Variants in PRKCQ observed in about 807,000 individuals in gnomAD.
The protein encoded by PRKCQ is protein kinase C theta, also known as protein kinase C theta type.
PRKCQ carries 41 observed loss-of-function variants against 91.2 expected under a neutral mutation model. The observed-to-expected ratio is 0.45, with a 90% CI of 0.35 to 0.58. The LOEUF (loss-of-function observed/expected upper bound fraction) is 0.58, where lower values mean the gene tolerates loss of function less well. PRKCQ is among the 20% of genes least tolerant of loss of function. PRKCQ has a pLI of 0.00. For synonymous variants in PRKCQ, 307 were observed against 316.9 expected (o/e 0.97, Z 0.33); for missense variants, 673 against 896.5 (o/e 0.75, Z 3.18).
rs565472218 is a variant in PRKCQ, at chr10:6,461,860, A to G, written c.1508+443T>C. On this transcript the variant is annotated intron_variant, in intron 14 of 17. Coordinates refer to ENST00000263125, the MANE Select transcript of PRKCQ (RefSeq NM_006257.5). ...AGGAGATTGAGATACAATAGTGTCA[A>G]TCTAAGAGCTTGGACAGAAGAACGT... is the stretch of plus-strand genomic sequence containing the variant. Among the ~76,000 whole-genome samples the G allele has an allele frequency of 2.6e-5, 4 of 152,358 alleles. No homozygotes were observed. The South Asian group carries it at 8.3e-4, about 32-fold the overall frequency.
intron 3 of PRKCQ, 69 bp from the exon 4 acceptor site, chr10:6,507,565 G>A: frequency 7.6e-7 from 1 of 1,323,568 alleles, no homozygotes; most frequent in Non-Finnish European, 1.1e-6. Flanking sequence ...GACATCACTG[G>A]CTACTGACGA....
At chr10:6,559,329 A>G (rs369060088) in intron 1 of PRKCQ, among the ~76,000 whole-genome samples, 2 of 152,102 alleles carry the variant, frequency 1.3e-5, no homozygotes, top group South Asian at 2.1e-4. Context: ...GGAAGGAGGG[A>G]CATGCCTTTT....
intron 8 of PRKCQ, 105 bp downstream of exon 8, chr10:6,491,578 T>A: frequency 1.4e-6 from 2 of 1,448,410 alleles, no homozygotes; most frequent in Non-Finnish European, 1.9e-6. Context: ...CTGGGCTGGG[T>A]GTGGAAGTGG....
chr10:6,523,878 G>GC (rs1588381494), intron 1 of PRKCQ, among the ~76,000 whole-genome samples: 1 of 152,004 alleles, frequency 6.6e-6, no homozygotes, highest in East Asian at 1.9e-4. Flanking sequence ...AGTTCAAGTT[G>GC]CCCCCTTCAC....
chr10:6,515,382 CT>C, intron 1 of PRKCQ: 42 of 1,448,884 alleles, frequency 2.9e-5, no homozygotes, highest in Non-Finnish European at 3.6e-5. Flanking sequence ...CTCAACCTTG[CT>C]TTTGAGAAGT....
intron 16 of PRKCQ, among the ~76,000 whole-genome samples, chr10:6,435,210 C>T (rs548987395): frequency 8.5e-5 from 13 of 152,342 alleles, no homozygotes; most frequent in African/African-American, 2.6e-4. Flanking sequence ...GTTCAGTGCA[C>T]GACATGCATC....
At position 6,442,093 on chromosome 10, in the gene PRKCQ, A is replaced by G. The variant is rs1374619863; in HGVS notation, c.1648-12T>C. The G allele has an allele frequency of 1.9e-6, 3 of 1,604,588 alleles. No individual in the cohort carries two copies. The highest frequency in any genetic ancestry group is 1.3e-5 in the African/African-American group (1 of 74,904). On this transcript the variant is annotated splice_polypyrimidine_tract_variant and intron_variant, in intron 15 of 17. Coordinates refer to ENST00000263125, the MANE Select transcript of PRKCQ (RefSeq NM_006257.5). The stretch of plus-strand genomic sequence containing the variant: ...TGACCCAGCAAGATCTGCACAACCA[A>G]AAGGCAGACAGGAAATTAACAGGAA...
chr10:6,450,628 AT>A (rs1564307173), intron 15 of PRKCQ, among the ~76,000 whole-genome samples: 1 of 152,108 alleles, frequency 6.6e-6, no homozygotes, highest in Non-Finnish European at 1.5e-5. Flanking sequence ...CAGAATATAC[AT>A]TTTTTTCAGC....
At chr10:6,440,273 TCTG>T (rs1833903151) in intron 16 of PRKCQ, among the ~76,000 whole-genome samples, 1 of 152,166 alleles carries the variant, frequency 6.6e-6, no homozygotes, top group African/African-American at 2.4e-5. Context: ...CCCAAGACAA[TCTG>T]CTGGGCAGGA....
At chr10:6,441,791 A>G (rs1833985816) in intron 16 of PRKCQ, 102 bp downstream of exon 16, 4 of 1,219,968 alleles carry the variant, frequency 3.3e-6, no homozygotes, top group Non-Finnish European at 3.4e-6. Flanking sequence ...TTCAATAATA[A>G]TCATTGTTTG....
intron 1 of PRKCQ, among the ~76,000 whole-genome samples, chr10:6,532,951 T>TC (rs1839443013): frequency 6.6e-6 from 1 of 152,184 alleles, no homozygotes; most frequent in African/African-American, 2.4e-5. Context: ...TTTTTCATAT[T>TC]CCCCCCTGAA....
At chr10:6,503,172 T>C (rs1179862160) in intron 4 of PRKCQ, among the ~76,000 whole-genome samples, 4 of 152,044 alleles carry the variant, frequency 2.6e-5, no homozygotes, top group Non-Finnish European at 4.4e-5. Flanking sequence ...TGCCAGAAAG[T>C]GGGCTAATAA....
At chr10:6,522,068 G>C (rs370309752) in intron 1 of PRKCQ, among the ~76,000 whole-genome samples, 1 of 151,988 alleles carries the variant, frequency 6.6e-6, no homozygotes, top group African/African-American at 2.4e-5. Context: ...TCAACCTCCC[G>C]AGTAGCGGGA....
chr10:6,428,098 G>T lies in PRKCQ; in HGVS notation c.*109C>A. 2 of 1,414,274 alleles carry T rather than the reference G, an allele frequency of 1.4e-6. No homozygotes were observed. Among genetic ancestry groups the T allele is most frequent in the Non-Finnish European group, 2.0e-6 (2 of 1,016,454 alleles). 87.6% of individuals were successfully genotyped at this position (1,414,274 alleles called of 1,614,324 possible). A position where few individuals can be genotyped will look rare whatever the true frequency, so the allele number is the denominator to read the frequency against. On this transcript the variant is annotated 3_prime_UTR_variant, in exon 18 of 18. Coordinates refer to ENST00000263125, the MANE Select transcript of PRKCQ (RefSeq NM_006257.5). The stretch of plus-strand genomic sequence containing the variant: ...GGGCGAACGGGTCTCAGTCTTTATT[G>T]TTGAGTGTTTCTTTCTTTTTCCAAG...
At chr10:6,415,756 T>C in the PRKCQ span, among the ~76,000 whole-genome samples, 1 of 84,618 alleles carries the variant, frequency 1.2e-5, no homozygotes, top group Non-Finnish European at 2.8e-5. Context: ...CTTTTTTTTT[T>C]TTTTTGAGAC....
Position 6,504,279 on chromosome 10 carries a change from T to A in PRKCQ, c.379+3157A>T, listed in dbSNP as rs567953247. Reference sequence around the variant, plus strand: ...TAAGTGAAATTTTGTAGACCAATACTGTGTAATTCCTTGAGTAAGAGAAAG... The same window carrying A: ...TAAGTGAAATTTTGTAGACCAATACAGTGTAATTCCTTGAGTAAGAGAAAG... On this transcript the variant is annotated intron_variant, in intron 4 of 17. Transcript: ENST00000263125. 1.4e-4 allele frequency among the ~76,000 whole-genome samples: 21 copies of A among 152,340 alleles called. No individual in the cohort carries two copies. The South Asian group carries it at 4.1e-3, about 30-fold the overall frequency.
chr10:6,533,629 G>T (rs1187270271), intron 1 of PRKCQ, among the ~76,000 whole-genome samples: 1 of 152,070 alleles, frequency 6.6e-6, no homozygotes, highest in Non-Finnish European at 1.5e-5. Context: ...GCCCTAATAG[G>T]TATTAAAATA....
intron 12 of PRKCQ, among the ~76,000 whole-genome samples, chr10:6,464,662 G>A (rs1160536210): frequency 6.6e-6 from 1 of 152,156 alleles, no homozygotes; most frequent in Non-Finnish European, 1.5e-5. Flanking sequence ...TAGCCAGGCT[G>A]GTCTCCAACT....
chr10:6,521,226 A>G (rs1377306730), intron 1 of PRKCQ, among the ~76,000 whole-genome samples: 1 of 152,202 alleles, frequency 6.6e-6, no homozygotes, highest in Non-Finnish European at 1.5e-5. Context: ...GATATATGCT[A>G]GAGACTCTGC....
Sources: allele counts gnomAD v4.1 joint callset (sites outside exome capture counted in the v4.1 genomes callset), GRCh38; gene constraint gnomAD v4.1.1; transcripts MANE v1.5; gene names NCBI Gene and HGNC (gene_info 2026-07-23, HGNC 2026-07-21).